HERC4: variants seen among roughly 807,000 people sequenced by gnomAD.
HERC4 encodes the protein probable E3 ubiquitin-protein ligase HERC4.
A neutral mutation model predicts 124.3 loss-of-function variants in HERC4; 28 were observed. The ratio of observed to expected loss-of-function variants is 0.23; its 90% CI spans 0.17 to 0.31. HERC4 has a LOEUF of 0.31. Ranked by LOEUF, HERC4 falls within the 10% of genes least tolerant of loss-of-function variation. The pLI, the probability that HERC4 is intolerant of heterozygous loss-of-function variation, is 1.00. For synonymous variants in HERC4, 407 were observed against 421.5 expected (o/e 0.97, Z 0.42); for missense variants, 713 against 1,229.3 (o/e 0.58, Z 6.28).
chr10:67,990,793 C>A, intron 13 of HERC4, 111 bp downstream of exon 13: 1 of 569,962 alleles, frequency 1.8e-6, no homozygotes, highest in Non-Finnish European at 3.0e-6. Context: ...ATTTTAAAAG[C>A]ACATCGTAAG....
chr10:67,981,273 T>C (rs917654604), intron 15 of HERC4, among the ~76,000 whole-genome samples: 18 of 152,170 alleles, frequency 1.2e-4, no homozygotes, highest in African/African-American at 2.4e-5. Flanking sequence ...TACAAAAGTG[T>C]AAGAAGAGAC....
chr10:67,997,031 A>G (rs1291861255), intron 9 of HERC4, among the ~76,000 whole-genome samples: 1 of 152,004 alleles, frequency 6.6e-6, no homozygotes, highest in Non-Finnish European at 1.5e-5. Flanking sequence ...GACTTCAAGA[A>G]CCCTCTGAGA....
chr10:67,987,672 G>C (rs1318410888), intron 15 of HERC4, among the ~76,000 whole-genome samples: 1 of 152,094 alleles, frequency 6.6e-6, no homozygotes, highest in East Asian at 1.9e-4. Flanking sequence ...AAAATGAAGA[G>C]AAATGAGTTG....
intron 3 of HERC4, among the ~76,000 whole-genome samples, chr10:68,064,586 G>GAGAAAAAAAGAAAA (rs1315326428): frequency 6.8e-6 from 1 of 148,110 alleles, no homozygotes; most frequent in Non-Finnish European, 1.5e-5. Context: ...AAGAGAGAGA[G>GAGAAAAAAAGAAAA]AGAAAAAAAG....
chr10:68,073,052 T>G lies in HERC4; in HGVS notation c.57A>C (p.Glu19Asp). 6.2e-7 allele frequency: 1 copy of G among 1,614,028 alleles called. No individual in the cohort carries two copies. Among genetic ancestry groups the G allele is most frequent in the Non-Finnish European group, 8.5e-7 (1 of 1,179,962 alleles). The change falls in exon 3 of 25, where the codon GAA (glutamate) becomes GAC (aspartate). Residue 19 changes from glutamate to aspartate, a missense_variant. Transcript: ENST00000373700. ...TTTTTCTGGGCTCTAGTACAATTTC[T>G]TCATCAATTCCACCCAAACCTAGCT... ...FGQLGLGGID[E>D]EIVLEPRKSD...
chr10:67,928,679 T>C (rs2031429318), intron 23 of HERC4, among the ~76,000 whole-genome samples: 1 of 152,100 alleles, frequency 6.6e-6, no homozygotes, highest in African/African-American at 2.4e-5. Flanking sequence ...TCCCAGCACT[T>C]TGGGAGGCCG....
chr10:68,001,336 C>T (rs2037218107), intron 9 of HERC4, among the ~76,000 whole-genome samples: 1 of 151,066 alleles, frequency 6.6e-6, no homozygotes, highest in Non-Finnish European at 1.5e-5. Flanking sequence ...CATGTCACAG[C>T]ACTCTAGCCT....
intron 21 of HERC4, among the ~76,000 whole-genome samples, chr10:67,938,758 A>C (rs1299092984): frequency 6.6e-6 from 1 of 152,108 alleles, no homozygotes; most frequent in Non-Finnish European, 1.5e-5. Flanking sequence ...AGCCTGGCCA[A>C]GGTGGTGAAA....
chr10:67,941,900 C>T (rs775035538), intron 19 of HERC4, among the ~76,000 whole-genome samples: 1 of 152,036 alleles, frequency 6.6e-6, no homozygotes, highest in Non-Finnish European at 1.5e-5. Context: ...AGGTGATCTG[C>T]TCACGTCAGC....
At chr10:67,981,336 T>A (rs966930906) in intron 15 of HERC4, among the ~76,000 whole-genome samples, 1 of 152,168 alleles carries the variant, frequency 6.6e-6, no homozygotes. Context: ...GTGGATATAA[T>A]CATTGTAAAC....
intron 9 of HERC4, among the ~76,000 whole-genome samples, chr10:68,012,278 T>G (rs1481212791): frequency 6.6e-6 from 1 of 152,218 alleles, no homozygotes; most frequent in Non-Finnish European, 1.5e-5. Context: ...TTCCTTTAAG[T>G]TGCATTAACA....
At chr10:68,039,455 CAG>C (rs2039652035) in intron 4 of HERC4, 1 of 1,550,610 alleles carries the variant, frequency 6.4e-7, no homozygotes, top group Admixed American at 2.0e-5. Flanking sequence ...AAATTCTGAC[CAG>C]AGAGTCGACA....
At chr10:67,969,906 T>A (rs569737505) in intron 15 of HERC4, among the ~76,000 whole-genome samples, 6 of 152,288 alleles carry the variant, frequency 3.9e-5, no homozygotes, top group Admixed American at 3.9e-4. Flanking sequence ...CCTCTACCAA[T>A]CTTGAAAGCA....
intron 23 of HERC4, 27 bp downstream of exon 23, chr10:67,932,570 C>T: frequency 6.4e-7 from 1 of 1,565,716 alleles, no homozygotes; most frequent in Non-Finnish European, 8.7e-7. Context: ...TTCCATTTAA[C>T]AATATCAGAG....
intron 16 of HERC4, among the ~76,000 whole-genome samples, chr10:67,958,037 G>A (rs1374037411): frequency 3.9e-5 from 6 of 152,240 alleles, no homozygotes; most frequent in Admixed American, 2.0e-4. Flanking sequence ...TTGAACTCCT[G>A]ACCTCATGAT....
intron 18 of HERC4, 28 bp downstream of exon 18, chr10:67,954,935 A>C: frequency 1.3e-6 from 2 of 1,574,016 alleles, no homozygotes; most frequent in Non-Finnish European, 1.7e-6. Context: ...TAAAAGTCCC[A>C]ATTATACCAC....
intron 15 of HERC4, among the ~76,000 whole-genome samples, chr10:67,982,819 A>C (rs1191151691): frequency 1.3e-5 from 2 of 152,170 alleles, no homozygotes; most frequent in Non-Finnish European, 2.9e-5. Flanking sequence ...CATTCCTCAA[A>C]AGAAGACATA....
chr10:67,997,886 G>A (rs2036983580), intron 9 of HERC4, among the ~76,000 whole-genome samples: 1 of 151,982 alleles, frequency 6.6e-6, no homozygotes, highest in Admixed American at 6.6e-5. Flanking sequence ...AACCATGCAT[G>A]GATAGAACAT....
chr10:68,069,814 G>A (rs931360551), intron 3 of HERC4: 33 of 826,890 alleles, frequency 4.0e-5, no homozygotes, highest in African/African-American at 2.0e-4. Context: ...AGGCCAAGGC[G>A]GGCAGATCAC....
Sources: gnomAD v4.1 joint callset for allele counts (sites outside exome capture counted in the v4.1 genomes callset) on GRCh38, gnomAD v4.1.1 for gene constraint, MANE v1.5 for transcripts, NCBI Gene and HGNC (gene_info 2026-07-23, HGNC 2026-07-21) for gene names.